ZFPM2: variants seen among roughly 807,000 people sequenced by gnomAD.
ZFPM2 encodes the protein zinc finger protein ZFPM2.
Under a neutral mutation model 98.6 loss-of-function variants are expected in ZFPM2, and 20 were observed. That is an observed-to-expected ratio of 0.20 (90% CI 0.14 to 0.29). The LOEUF is 0.29. ZFPM2 is among the 10% of genes least tolerant of loss of function. The probability of loss-of-function intolerance (pLI) is 1.00; values close to 1 mark genes in which losing one functional copy is unlikely to be tolerated. For synonymous variants in ZFPM2, 518 were observed against 502.7 expected (o/e 1.03, Z -0.41); for missense variants, 1,310 against 1,388.6 (o/e 0.94, Z 0.90).
intron 1 of ZFPM2, chr8:105,418,718 A>C: frequency 2.0e-6 from 1 of 490,854 alleles, no homozygotes; most frequent in Non-Finnish European, 4.0e-6. Flanking sequence ...TTCAATTAAA[A>C]TGCATTCAAT....
At chr8:105,795,786 G>T (rs117202382) in intron 6 of ZFPM2, 4 of 490,916 alleles carry the variant, frequency 8.1e-6, no homozygotes, top group Admixed American at 6.2e-5. Flanking sequence ...AAAATCAGTC[G>T]TCTGGAGTCC....
chr8:105,408,847 G>C (rs536402772), intron 1 of ZFPM2, among the ~76,000 whole-genome samples: 2 of 151,584 alleles, frequency 1.3e-5, no homozygotes, highest in Admixed American at 6.6e-5. Flanking sequence ...GATTTCTATC[G>C]TTGCCCTCAC....
intron 1 of ZFPM2, among the ~76,000 whole-genome samples, chr8:105,345,024 TA>T (rs1671728365): frequency 1.3e-5 from 2 of 152,200 alleles, no homozygotes; most frequent in African/African-American, 2.4e-5. Flanking sequence ...TAAATGTGTA[TA>T]TTATTCCTAT....
intron 3 of ZFPM2, among the ~76,000 whole-genome samples, chr8:105,503,358 A>G (rs1813634821): frequency 6.6e-6 from 1 of 152,204 alleles, no homozygotes; most frequent in Non-Finnish European, 1.5e-5. Flanking sequence ...ATCCTGACCT[A>G]GATTGTAGAT....
At chr8:105,647,774 T>C (rs1456086556) in intron 5 of ZFPM2, among the ~76,000 whole-genome samples, 2 of 152,200 alleles carry the variant, frequency 1.3e-5, no homozygotes, top group African/African-American at 4.8e-5. Flanking sequence ...ATCCAGTCTA[T>C]CATTGATGGA....
At chr8:105,381,564 T>C (rs1282605045) in intron 1 of ZFPM2, among the ~76,000 whole-genome samples, 1 of 152,168 alleles carries the variant, frequency 6.6e-6, no homozygotes, top group Non-Finnish European at 1.5e-5. Context: ...GACACATTCT[T>C]ACTGAGATTC....
In ZFPM2 at chr8:105,635,655, A is replaced by T. The variant is rs552618587; in HGVS notation, c.532+1298A>T. ...AAAGTGAAAAGAAATGGTATAGGGA[A>T]TCAGTTTACCAATGCCGACATTCAG... is the stretch of plus-strand genomic sequence containing the variant. On this transcript the variant is annotated intron_variant, in intron 5 of 7. Transcript: ENST00000407775. 3.3e-5 allele frequency among the ~76,000 whole-genome samples: 5 copies of T among 152,368 alleles called. No individual in the cohort carries two copies. In the East Asian group the frequency reaches 9.6e-4, roughly 29 times the overall value.
At chr8:105,593,542 C>T (rs1448038792) in intron 4 of ZFPM2, among the ~76,000 whole-genome samples, 4 of 151,634 alleles carry the variant, frequency 2.6e-5, no homozygotes, top group South Asian at 2.1e-4. Flanking sequence ...ATCTGCTGTC[C>T]GCAGCTGTCC....
At chr8:105,788,013 T>C (rs954891032) in intron 5 of ZFPM2, among the ~76,000 whole-genome samples, 2 of 152,216 alleles carry the variant, frequency 1.3e-5, no homozygotes, top group African/African-American at 4.8e-5. Flanking sequence ...TCTAAACAAA[T>C]CTTTATTTAA....
At chr8:105,478,076 A>T (rs919705461) in intron 3 of ZFPM2, among the ~76,000 whole-genome samples, 1 of 152,230 alleles carries the variant, frequency 6.6e-6, no homozygotes, top group African/African-American at 2.4e-5. Context: ...CAAAGCAACA[A>T]TGAGTCATTT....
intron 5 of ZFPM2, among the ~76,000 whole-genome samples, chr8:105,776,222 G>C (rs1351631767): frequency 6.6e-6 from 1 of 152,126 alleles, no homozygotes; most frequent in Non-Finnish European, 1.5e-5. Context: ...GGTTTAACCA[G>C]TCTGGCTTTG....
chr8:105,734,302 G>A (rs961087240), intron 5 of ZFPM2, among the ~76,000 whole-genome samples: 4 of 151,884 alleles, frequency 2.6e-5, no homozygotes, highest in African/African-American at 7.2e-5. Context: ...AAATGAAGTA[G>A]TATTTATAAG....
Position 105,803,524 on chromosome 8 carries a change from G to C in ZFPM2, c.3442G>C (p.Glu1148Gln), listed in dbSNP as rs1365702365. 4 of 1,608,086 alleles carry C rather than the reference G, an allele frequency of 2.5e-6. No individual in the cohort carries two copies. The highest frequency in any genetic ancestry group is 1.1e-5 in the South Asian group (1 of 90,002). ...GTTTTATTGCTCATCACATGCAGCAGAACATGTCAAATGAACTAACTAAAC... is the reference window on the plus strand; with the variant it reads ...GTTTTATTGCTCATCACATGCAGCACAACATGTCAAATGAACTAACTAAAC... Reference protein sequence around the residue: ...KKFYCSSHAAEHVK With the variant: ...KKFYCSSHAAQHVK Residue 1148 changes from glutamate to glutamine, a missense_variant, in exon 8 of 8, where the codon GAA becomes CAA. Glu to Gln is a conservative substitution (Grantham distance 29). Coordinates refer to ENST00000407775, the MANE Select transcript of ZFPM2 (RefSeq NM_012082.4).
chr8:105,701,150 T>G (rs1185372272), intron 5 of ZFPM2, among the ~76,000 whole-genome samples: 1 of 152,200 alleles, frequency 6.6e-6, no homozygotes, highest in Non-Finnish European at 1.5e-5. Context: ...GGAATGGGAA[T>G]AGAGAAACAG....
At chr8:105,558,214 C>A (rs1868648) in intron 3 of ZFPM2, among the ~76,000 whole-genome samples, 91,450 of 152,038 alleles carry the variant, frequency 0.6, 27,742 homozygotes, top group African/African-American at 0.71. Flanking sequence ...TTTTGCTATC[C>A]TTAACCTATG....
At position 105,446,621 on chromosome 8, in the gene ZFPM2, T is replaced by C. The variant is rs111657062; in HGVS notation, c.301+2240T>C. On this transcript the variant is annotated intron_variant, in intron 3 of 7. Coordinates refer to ENST00000407775, the MANE Select transcript of ZFPM2 (RefSeq NM_012082.4). ...TTCGTTTAAATTTATTTAATGTATT[T>C]AATTTAATGTTTTTATTTATTTGCT... 3.7e-4 allele frequency among the ~76,000 whole-genome samples: 57 copies of C among 152,338 alleles called. 1 individual carries two copies. The highest frequency in any genetic ancestry group is 1.4e-3 in the African/African-American group (57 of 41,586).
chr8:105,602,458 C>G (rs779630825), intron 4 of ZFPM2, among the ~76,000 whole-genome samples: 4 of 152,126 alleles, frequency 2.6e-5, no homozygotes, highest in Non-Finnish European at 5.9e-5. Context: ...ACTGTTCCCA[C>G]TTATGTTCCC....
At chr8:105,734,033 G>A (rs1172878282) in intron 5 of ZFPM2, among the ~76,000 whole-genome samples, 8 of 151,796 alleles carry the variant, frequency 5.3e-5, no homozygotes, top group African/African-American at 1.2e-4. Flanking sequence ...CATGAATAAC[G>A]CAAGTCTATC....
intron 4 of ZFPM2, among the ~76,000 whole-genome samples, chr8:105,586,025 G>A (rs1356324443): frequency 1.3e-5 from 2 of 151,556 alleles, no homozygotes; most frequent in Admixed American, 1.3e-4. Context: ...GTGTGTGTGT[G>A]TGTGTGTGTG....
Sources: allele counts gnomAD v4.1 joint callset (sites outside exome capture counted in the v4.1 genomes callset), GRCh38; gene constraint gnomAD v4.1.1; transcripts MANE v1.5; gene names NCBI Gene and HGNC (gene_info 2026-07-23, HGNC 2026-07-21).